SFMBT2: variants seen among roughly 807,000 people sequenced by gnomAD.
SFMBT2 encodes scm-like with four MBT domains protein 2.
Under a neutral mutation model 110.1 loss-of-function variants are expected in SFMBT2, and 38 were observed. The ratio of observed to expected loss-of-function variants is 0.35; its 90% CI spans 0.27 to 0.45. SFMBT2 has a LOEUF of 0.45. Among genes scored for constraint, SFMBT2 ranks in the 20% least tolerant of loss-of-function variants. The pLI, the probability that SFMBT2 is intolerant of heterozygous loss-of-function variation, is 1.00. For missense variants in SFMBT2, 1,011 were observed against 1,094.9 expected, an observed-to-expected ratio of 0.92 and a Z score of 1.08; for synonymous variants, 425 against 425.4, an observed-to-expected ratio of 1.00 and a Z score of 0.01.
At chr10:7,352,276 T>C (rs555719916) in intron 4 of SFMBT2, among the ~76,000 whole-genome samples, 1 of 152,346 alleles carries the variant, frequency 6.6e-6, no homozygotes, top group East Asian at 1.9e-4. Context: ...GGTCAGTGCC[T>C]GGCTCTTGGA....
chr10:7,173,779 C>G (rs1014943998), intron 17 of SFMBT2, among the ~76,000 whole-genome samples: 2 of 152,162 alleles, frequency 1.3e-5, no homozygotes, highest in Non-Finnish European at 1.5e-5. Flanking sequence ...AGCCAAGGAA[C>G]CTTTATCTAC....
chr10:7,202,391 C>T, intron 13 of SFMBT2, 89 bp downstream of exon 13: 1 of 1,526,174 alleles, frequency 6.6e-7, no homozygotes, highest in Non-Finnish European at 9.1e-7. Flanking sequence ...TAGATAACTC[C>T]AATAAAAACA....
chr10:7,176,137 C>T lies in SFMBT2; in HGVS notation c.1837G>A (p.Val613Ile), dbSNP rs147229551. 1,540 of 1,614,182 alleles carry T rather than the reference C, an allele frequency of 9.5e-4. 5 individuals carry two copies. Among genetic ancestry groups the T allele is most frequent in the Middle Eastern group, 4.3e-3 (26 of 6,062 alleles). ...KYRGKTYRAV[V>I]KIVRTSDQVA... ...TGGTCAGATGTCCGTACGATTTTGA[C>T]CACAGCCCTGTATGTTTTGCCTCTG... Residue 613 changes from valine to isoleucine, a missense_variant, in exon 17 of 21, where the codon GTC becomes ATC. Val to Ile is a conservative substitution (Grantham distance 29, BLOSUM62 3). Coordinates refer to ENST00000397167, the MANE Select transcript of SFMBT2 (RefSeq NM_001387889.1).
At chr10:7,354,587 CT>C (rs1392988724) in intron 4 of SFMBT2, among the ~76,000 whole-genome samples, 2 of 152,138 alleles carry the variant, frequency 1.3e-5, no homozygotes, top group Admixed American at 1.3e-4. Context: ...AACTGGCTCC[CT>C]AAATCCACGC....
intron 4 of SFMBT2, among the ~76,000 whole-genome samples, chr10:7,340,008 C>T (rs1209044565): frequency 6.6e-6 from 1 of 152,170 alleles, no homozygotes; most frequent in Admixed American, 6.5e-5. Flanking sequence ...AACCAATTCA[C>T]ACAGGTCTGA....
At chr10:7,329,611 GAAATC>G in intron 4 of SFMBT2, 1 of 617,756 alleles carries the variant, frequency 1.6e-6, no homozygotes, top group Non-Finnish European at 2.0e-6. Context: ...TCCTCGGTTA[GAAATC>G]CAGATGGAAC....
At position 7,346,932 on chromosome 10, in the gene SFMBT2, G is replaced by A. The variant is rs562709021; in HGVS notation, c.436+20717C>T. On this transcript the variant is annotated intron_variant, in intron 4 of 20. Transcript: ENST00000397167. ...TTGAACCCAGGAGGTGGAGGTTACA[G>A]TAAGCCGAGATTGTGCCACTGCGCT... is the stretch of plus-strand genomic sequence containing the variant. 3.3e-5 allele frequency among the ~76,000 whole-genome samples: 5 copies of A among 152,238 alleles called. No homozygotes were observed. In the East Asian group the frequency reaches 9.6e-4, roughly 29 times the overall value.
At chr10:7,400,410 T>C (rs1846045455) in intron 1 of SFMBT2, among the ~76,000 whole-genome samples, 1 of 152,218 alleles carries the variant, frequency 6.6e-6, no homozygotes, top group Admixed American at 6.5e-5. Flanking sequence ...AGGGCTGTGA[T>C]GGTTATCTCT....
At chr10:7,220,304 A>G in intron 11 of SFMBT2, 107 bp downstream of exon 11, 1 of 806,872 alleles carries the variant, frequency 1.2e-6, no homozygotes, top group South Asian at 1.7e-5. Flanking sequence ...TGTTTAAATG[A>G]AAGAGAAGTA....
At chr10:7,199,351 G>C (rs190757331) in intron 14 of SFMBT2, among the ~76,000 whole-genome samples, 17 of 152,214 alleles carry the variant, frequency 1.1e-4, no homozygotes, top group African/African-American at 3.9e-4. Context: ...CCCCCACCCT[G>C]ACTCTACCCA....
At chr10:7,197,791 C>T in intron 14 of SFMBT2, 104 bp from the exon 15 acceptor site, 3 of 1,453,428 alleles carry the variant, frequency 2.1e-6, no homozygotes, top group Non-Finnish European at 1.8e-6. Flanking sequence ...AAGGACCACA[C>T]AGAGCTGTCC....
At position 7,171,119 on chromosome 10, in the gene SFMBT2, C is replaced by T; in HGVS notation, c.2416-63G>A. On this transcript the variant is annotated intron_variant, in intron 19 of 20. Transcript: ENST00000397167. The surrounding 1 kb of genome is among the most constrained non-coding windows in gnomAD (Gnocchi z 4.9). ...AGTCAGCTGGCTGGGTCCTCTCCAG[C>T]ACTCTCCAGGCCTCGGCCGTTCCTG... 6.2e-7 allele frequency: 1 copy of T among 1,610,778 alleles called. No homozygotes were observed. The highest frequency in any genetic ancestry group is 8.5e-7 in the Non-Finnish European group (1 of 1,178,978).
chr10:7,328,933 C>T (rs1843477118), intron 4 of SFMBT2, among the ~76,000 whole-genome samples: 1 of 152,186 alleles, frequency 6.6e-6, no homozygotes, highest in South Asian at 2.1e-4. Context: ...TAAATCCAGG[C>T]ATTACTTGTG....
intron 4 of SFMBT2, among the ~76,000 whole-genome samples, chr10:7,290,590 C>CT: frequency 6.6e-6 from 1 of 152,298 alleles, no homozygotes; most frequent in South Asian, 2.1e-4. Context: ...AATCCCAACA[C>CT]TTTGGGAGGC....
At chr10:7,306,223 C>A (rs2131891581) in intron 4 of SFMBT2, among the ~76,000 whole-genome samples, 1 of 152,348 alleles carries the variant, frequency 6.6e-6, no homozygotes, top group East Asian at 1.9e-4. Context: ...CTCCGGCAGG[C>A]TTCAGTGAAC....
intron 7 of SFMBT2, among the ~76,000 whole-genome samples, chr10:7,269,972 T>C (rs1008928632): frequency 1.2e-4 from 18 of 151,950 alleles, no homozygotes; most frequent in Admixed American, 1.2e-3. Flanking sequence ...AAGATTTCTG[T>C]ACATACATGA....
chr10:7,257,637 C>T (rs1043010302), intron 7 of SFMBT2, among the ~76,000 whole-genome samples: 3 of 152,176 alleles, frequency 2.0e-5, no homozygotes, highest in African/African-American at 7.2e-5. Flanking sequence ...AAAGAACATT[C>T]ATGTCTGCTG....
intron 14 of SFMBT2, among the ~76,000 whole-genome samples, chr10:7,199,291 ATGT>A (rs1838876413): frequency 6.6e-6 from 1 of 152,180 alleles, no homozygotes; most frequent in African/African-American, 2.4e-5. Flanking sequence ...AAGTTTCTTA[ATGT>A]CTATAAATGT....
intron 4 of SFMBT2, among the ~76,000 whole-genome samples, chr10:7,356,222 A>G (rs1371392098): frequency 6.6e-6 from 1 of 152,204 alleles, no homozygotes; most frequent in Non-Finnish European, 1.5e-5. Context: ...TCTAAAAGGC[A>G]CACCCCAGGC....
Sources: gnomAD v4.1 joint callset for allele counts (sites outside exome capture counted in the v4.1 genomes callset) on GRCh38, gnomAD v4.1.1 for gene constraint, Gnocchi (gnomAD v3.1) non-coding constraint, MANE v1.5 for transcripts, NCBI Gene and HGNC (gene_info 2026-07-23, HGNC 2026-07-21) for gene names.